PACRG: variants seen among roughly 807,000 people sequenced by gnomAD.
PACRG encodes the protein parkin coregulated.
In PACRG, 29 loss-of-function variants were observed where a neutral mutation model predicts 29.7. The observed-to-expected ratio is 0.98, with a 90% CI of 0.73 to 1.33. The LOEUF (loss-of-function observed/expected upper bound fraction) is 1.33. Among genes scored for constraint, PACRG ranks in the 40% most tolerant of loss-of-function variants. The pLI, the probability that PACRG is intolerant of heterozygous loss-of-function variation, is 0.00. For synonymous variants in PACRG, 116 were observed against 118.7 expected (o/e 0.98, Z 0.15); for missense variants, 279 against 316.2 (o/e 0.88, Z 0.89).
At chr6:163,044,170 CTTTTTT>C (rs368372180) in intron 2 of PACRG, among the ~76,000 whole-genome samples, 1 of 139,980 alleles carries the variant, frequency 7.1e-6, no homozygotes, top group Non-Finnish European at 1.5e-5. Flanking sequence ...AAACAGATGA[CTTTTTT>C]TTTTTTTTTT....
chr6:163,202,077 C>T (rs375575384), intron 4 of PACRG, among the ~76,000 whole-genome samples: 5 of 152,124 alleles, frequency 3.3e-5, no homozygotes, highest in East Asian at 3.9e-4. Context: ...CCTGAGCAGG[C>T]CCGTTGGGGC....
chr6:163,259,671 C>G (rs567847457), intron 4 of PACRG, among the ~76,000 whole-genome samples: 5 of 152,334 alleles, frequency 3.3e-5, no homozygotes, highest in Non-Finnish European at 5.9e-5. Context: ...ATATTAAGCT[C>G]TGACATCCTT....
At chr6:162,909,311 T>C (rs191434614) in intron 2 of PACRG, among the ~76,000 whole-genome samples, 24 of 152,126 alleles carry the variant, frequency 1.6e-4, no homozygotes, top group Admixed American at 3.3e-4. Flanking sequence ...ATCCCAGCAC[T>C]TTGGGAGGCC....
intron 4 of PACRG, among the ~76,000 whole-genome samples, chr6:163,187,454 G>C (rs1306621701): frequency 6.6e-6 from 1 of 152,026 alleles, no homozygotes; most frequent in Non-Finnish European, 1.5e-5. Context: ...TCTCAACTGA[G>C]AGCCCGCGCT....
upstream of PACRG, chr6:162,727,227 C>T (rs969423912): frequency 4.6e-5 from 8 of 175,574 alleles, no homozygotes; most frequent in Non-Finnish European, 9.5e-5. Flanking sequence ...GAAAGAGCCC[C>T]ACAGAGAGTG....
chr6:162,892,629 AG>A (rs2128042202), intron 2 of PACRG, among the ~76,000 whole-genome samples: 1 of 152,216 alleles, frequency 6.6e-6, no homozygotes, highest in Non-Finnish European at 1.5e-5. Flanking sequence ...CCATGGACTG[AG>A]ATAGGTGGGA....
intron 4 of PACRG, among the ~76,000 whole-genome samples, chr6:163,188,623 A>G (rs1163173001): frequency 6.6e-6 from 1 of 152,240 alleles, no homozygotes; most frequent in East Asian, 1.9e-4. Flanking sequence ...CTTTGATTCT[A>G]CAGTTCTAAA....
chr6:163,257,301 T>C (rs1011675854), intron 4 of PACRG, among the ~76,000 whole-genome samples: 2 of 151,738 alleles, frequency 1.3e-5, no homozygotes, highest in African/African-American at 4.8e-5. Context: ...GGGGGCATTC[T>C]GGGGGCTGTA....
At chr6:162,817,455 G>T (rs1787454585) in intron 2 of PACRG, among the ~76,000 whole-genome samples, 1 of 152,104 alleles carries the variant, frequency 6.6e-6, no homozygotes, top group South Asian at 2.1e-4. Flanking sequence ...CCAAAACAAC[G>T]TGGCAGGCTG....
intron 4 of PACRG, among the ~76,000 whole-genome samples, chr6:163,256,299 G>A (rs1783103114): frequency 6.6e-6 from 1 of 152,148 alleles, no homozygotes; most frequent in Admixed American, 6.5e-5. Context: ...AACACATGCT[G>A]AGTCCCACCA....
chr6:162,867,796 C>T (rs1290753873), intron 2 of PACRG, among the ~76,000 whole-genome samples: 6 of 152,134 alleles, frequency 3.9e-5, no homozygotes, highest in African/African-American at 1.4e-4. Flanking sequence ...TTTTCTCCAG[C>T]AAGAGAAGAT....
intron 4 of PACRG, among the ~76,000 whole-genome samples, chr6:163,177,710 A>ATGTTTTTTTT (rs1779440928): frequency 1.9e-5 from 1 of 53,744 alleles, no homozygotes; most frequent in Non-Finnish European, 3.1e-5. Context: ...TAGAAAAGGG[A>ATGTTTTTTTT]TTTTTTTTTT....
At chr6:162,968,585 C>T (rs944800808) in intron 2 of PACRG, among the ~76,000 whole-genome samples, 2 of 152,200 alleles carry the variant, frequency 1.3e-5, no homozygotes, top group South Asian at 2.1e-4. Context: ...CTTTCTTGGA[C>T]GTGTCAAAAT....
chr6:163,236,094 A>G (rs971198080), intron 4 of PACRG, among the ~76,000 whole-genome samples: 4 of 151,838 alleles, frequency 2.6e-5, no homozygotes, highest in African/African-American at 7.3e-5. Flanking sequence ...AGCAATGGCT[A>G]CAAGATACTT....
chr6:162,739,612 C>T (rs34912663), intron 1 of PACRG, among the ~76,000 whole-genome samples: 12,774 of 151,868 alleles, frequency 0.084, 704 homozygotes, highest in South Asian at 0.22. Context: ...GGGAGGCTGA[C>T]GCAGGTGAAT....
At chr6:162,787,387 A>C (rs531045143) in intron 1 of PACRG, among the ~76,000 whole-genome samples, 177 of 151,724 alleles carry the variant, frequency 1.2e-3, no homozygotes, top group African/African-American at 4.1e-3. Flanking sequence ...ACATGTAAAA[A>C]AACTAGCAGG....
intron 4 of PACRG, chr6:163,112,150 A>C (rs1815750029): frequency 1.8e-6 from 1 of 540,612 alleles, no homozygotes; most frequent in Non-Finnish European, 2.4e-6. Context: ...CTAGACAACA[A>C]TTGCATTGAC....
At chr6:163,288,301 G>A (rs564526833) in intron 4 of PACRG, among the ~76,000 whole-genome samples, 95 of 152,244 alleles carry the variant, frequency 6.2e-4, no homozygotes, top group Admixed American at 9.8e-4. Context: ...TGATTGCTCC[G>A]TGTGCGTGGT....
chr6:162,980,629 T>C (rs1300029684), intron 2 of PACRG, among the ~76,000 whole-genome samples: 11 of 152,204 alleles, frequency 7.2e-5, no homozygotes, highest in Admixed American at 3.9e-4. Context: ...AATACTGTTT[T>C]ATCTACTCAA....
Sources: allele counts gnomAD v4.1 joint callset (sites outside exome capture counted in the v4.1 genomes callset), GRCh38; gene constraint gnomAD v4.1.1; transcripts MANE v1.5; gene names NCBI Gene and HGNC (gene_info 2026-07-23, HGNC 2026-07-21).